The following COL24A1 variants were observed in gnomAD, a reference collection of about 807,000 sequenced individuals.
COL24A1 encodes collagen alpha-1(XXIV) chain.
In COL24A1, 224 loss-of-function variants were observed where a neutral mutation model predicts 253.9. That is an observed-to-expected ratio of 0.88 (90% CI 0.79 to 0.99). The LOEUF (loss-of-function observed/expected upper bound fraction) is 0.99. Ranked by LOEUF, COL24A1 falls within the 50% of genes least tolerant of loss-of-function variation. The pLI is 0.00. For synonymous variants in COL24A1, 685 were observed against 673.7 expected, an observed-to-expected ratio of 1.02 and a Z score of -0.26; for missense variants, 2,131 against 2,068.5, an observed-to-expected ratio of 1.03 and a Z score of -0.59.
At chr1:85,883,910 C>T (rs983586361) in intron 32 of COL24A1, 15 of 152,082 alleles carry the variant, frequency 9.9e-5, no homozygotes, top group African/African-American at 1.7e-4. Context: ...GATACAATAC[C>T]GAATACACTG....
chr1:85,888,280 T>G lies in COL24A1; in HGVS notation c.2976+1280A>C, dbSNP rs369347562. 2.1e-3 allele frequency among the ~76,000 whole-genome samples: 314 copies of G among 152,224 alleles called. 10 individuals carry two copies. In the South Asian group the frequency reaches 0.052, roughly 25 times the overall value. On this transcript the variant is annotated intron_variant, in intron 32 of 59. Coordinates refer to ENST00000370571, the MANE Select transcript of COL24A1 (RefSeq NM_152890.7). The stretch of plus-strand genomic sequence containing the variant: ...ATTTGACTGATGTTTACAAAATAGA[T>G]ATCAGATAATAAACTAAATAATCTG...
chr1:86,019,798 T>C (rs1697331063), intron 18 of COL24A1, among the ~76,000 whole-genome samples: 1 of 152,056 alleles, frequency 6.6e-6, no homozygotes, highest in African/African-American at 2.4e-5. Flanking sequence ...GTAAAATGAG[T>C]AAGTAAAAGC....
At chr1:85,763,376 C>T (rs1330052445) in intron 53 of COL24A1, among the ~76,000 whole-genome samples, 1 of 151,950 alleles carries the variant, frequency 6.6e-6, no homozygotes, top group African/African-American at 2.4e-5. Context: ...CAAGATCACG[C>T]CACTGCACTC....
At chr1:86,050,257 AT>A in intron 10 of COL24A1, 80 bp from the exon 11 acceptor site, 1 of 1,237,688 alleles carries the variant, frequency 8.1e-7, no homozygotes, top group Non-Finnish European at 1.1e-6. Context: ...AGTACTTAAA[AT>A]TTTATTTGTA....
At chr1:86,133,016 ATTT>A (rs777030878) in intron 2 of COL24A1, among the ~76,000 whole-genome samples, 117 of 11,580 alleles carry the variant, frequency 0.01, 1 homozygote, top group Non-Finnish European at 0.049. Flanking sequence ...ATGTTCTTCC[ATTT>A]TTTGTATCCT....
At chr1:86,035,542 A>G (rs1254806612) in intron 12 of COL24A1, among the ~76,000 whole-genome samples, 1 of 152,104 alleles carries the variant, frequency 6.6e-6, no homozygotes, top group Non-Finnish European at 1.5e-5. Flanking sequence ...GACATAAAGT[A>G]GATTAGTGGT....
chr1:85,876,302 T>C (rs12739620), intron 33 of COL24A1, among the ~76,000 whole-genome samples: 1 of 151,146 alleles, frequency 6.6e-6, no homozygotes, highest in Non-Finnish European at 1.5e-5. Context: ...TTTGAGAGGA[T>C]TAGGTAGAAG....
chr1:86,010,720 G>C (rs1180277894), intron 19 of COL24A1, among the ~76,000 whole-genome samples: 1 of 152,016 alleles, frequency 6.6e-6, no homozygotes, highest in Admixed American at 6.6e-5. Flanking sequence ...GAGAATGATT[G>C]AATAAACTGA....
chr1:85,889,326 A>G (rs1219188960), intron 32 of COL24A1, among the ~76,000 whole-genome samples: 1 of 152,094 alleles, frequency 6.6e-6, no homozygotes, highest in African/African-American at 2.4e-5. Context: ...TATTTGTTGA[A>G]AATAGAAATA....
rs796498563 is a variant in COL24A1, at chr1:85,922,919, A to C, written c.2563-11486T>G. On this transcript the variant is annotated intron_variant, in intron 24 of 59. Coordinates refer to ENST00000370571, the MANE Select transcript of COL24A1 (RefSeq NM_152890.7). ...CCCATCAGTGTGCTGTATTCAGGAG[A>C]CCCATCTCACATGCAGAGATACACA... 2.6e-5 allele frequency among the ~76,000 whole-genome samples: 4 copies of C among 152,190 alleles called. No individual in the cohort carries two copies. In the East Asian group the frequency reaches 5.8e-4, roughly 22 times the overall value.
rs1364440027 is a variant in COL24A1 at position 85,907,242 on chromosome 1, A to G, written c.2730T>C (p.His910=). ...GPIGPLGLPG[H]VGARGPPGSQ... ...TCCCAGGTGGTCCTCTTGCCCCCAC[A>G]TGACCCTATATGTTGTAAATTTAAA... Residue 910 remains histidine, a synonymous_variant, in exon 28 of 60, where the codon CAT becomes CAC. Coordinates refer to ENST00000370571, the MANE Select transcript of COL24A1 (RefSeq NM_152890.7). 2 of 1,610,494 alleles carry G rather than the reference A, an allele frequency of 1.2e-6. No homozygotes were observed. The highest frequency in any genetic ancestry group is 2.7e-5 in the African/African-American group (2 of 74,894).
At chr1:86,077,839 G>T (rs927755186) in intron 7 of COL24A1, among the ~76,000 whole-genome samples, 3 of 132,118 alleles carry the variant, frequency 2.3e-5, no homozygotes, top group Non-Finnish European at 5.0e-5. Flanking sequence ...GGCCTGTGGG[G>T]GTTGGGGGGC....
Position 86,103,342 on chromosome 1 carries a change from C to T in COL24A1, c.1599+9225G>A, listed in dbSNP as rs189434443. On this transcript the variant is annotated intron_variant, in intron 5 of 59. Transcript: ENST00000370571. Reference sequence around the variant, plus strand: ...GTTTTGGTTCTTTAGCCTGCCACTCCGTTCCTTTTCATTGAGACATTTAGC... The same window carrying T: ...GTTTTGGTTCTTTAGCCTGCCACTCTGTTCCTTTTCATTGAGACATTTAGC... Among the ~76,000 whole-genome samples, 129 of 152,090 alleles carry T rather than the reference C, an allele frequency of 8.5e-4. 1 individual carries two copies. Among genetic ancestry groups the T allele is most frequent in the African/African-American group, 2.9e-3 (119 of 41,494 alleles).
intron 2 of COL24A1, among the ~76,000 whole-genome samples, chr1:86,130,775 C>T (rs1649048276): frequency 6.6e-6 from 1 of 152,068 alleles, no homozygotes; most frequent in African/African-American, 2.4e-5. Context: ...CCTATTCTTC[C>T]TCTCTTCTCC....
At chr1:85,759,880 A>G (rs1357509136) in intron 55 of COL24A1, among the ~76,000 whole-genome samples, 2 of 152,190 alleles carry the variant, frequency 1.3e-5, no homozygotes, top group Non-Finnish European at 2.9e-5. Context: ...CCAATGACGT[A>G]TGATCCTTTA....
Position 85,734,978 on chromosome 1 carries a change from A to G in COL24A1, c.4783-14T>C. On this transcript the variant is annotated splice_polypyrimidine_tract_variant and intron_variant, in intron 58 of 59. Transcript: ENST00000370571. Reference sequence around the variant, plus strand: ...TCCAAACTCCAACTAATGTCATAGAAATGATATGCAGGTTATAACATGGCA... The same window carrying G: ...TCCAAACTCCAACTAATGTCATAGAGATGATATGCAGGTTATAACATGGCA... The G allele has an allele frequency of 6.2e-7, 1 of 1,611,966 alleles. No individual in the cohort carries two copies. Among genetic ancestry groups the G allele is most frequent in the Non-Finnish European group, 8.5e-7 (1 of 1,178,112 alleles).
chr1:85,761,917 G>A (rs1666888547), intron 53 of COL24A1, among the ~76,000 whole-genome samples: 1 of 152,050 alleles, frequency 6.6e-6, no homozygotes, highest in Non-Finnish European at 1.5e-5. Context: ...AAACTTCGGT[G>A]TTCTTAGACA....
chr1:86,146,898 T>C (rs946580536), intron 1 of COL24A1, among the ~76,000 whole-genome samples: 4 of 152,138 alleles, frequency 2.6e-5, no homozygotes, highest in African/African-American at 9.6e-5. Context: ...AACCAAACTT[T>C]TAATAAATTT....
In COL24A1 at chr1:85,762,630, G is replaced by A. The variant is rs1031848376; in HGVS notation, c.4375-1064C>T. Among the ~76,000 whole-genome samples, 2 of 152,066 alleles carry A rather than the reference G, an allele frequency of 1.3e-5. 1 individual carries two copies. The highest frequency in any genetic ancestry group is 4.8e-5 in the African/African-American group (2 of 41,414). ...AATGCATATATCTCAGAAGCTGCAG[G>A]GTAGCTGACAGAAATGTCACATTGG... On this transcript the variant is annotated intron_variant, in intron 53 of 59. Transcript: ENST00000370571.
Sources: gnomAD v4.1 joint callset for allele counts (sites outside exome capture counted in the v4.1 genomes callset) on GRCh38, gnomAD v4.1.1 for gene constraint, MANE v1.5 for transcripts, NCBI Gene and HGNC (gene_info 2026-07-23, HGNC 2026-07-21) for gene names.